The following SORCS1 variants were observed in gnomAD, a reference collection of about 807,000 sequenced individuals.
The protein encoded by SORCS1 is VPS10 domain-containing receptor SorCS1.
A neutral mutation model predicts 146.1 loss-of-function variants in SORCS1; 60 were observed. That is an observed-to-expected ratio of 0.41 (90% CI 0.33 to 0.51). The LOEUF (loss-of-function observed/expected upper bound fraction) is 0.51, where lower values mean the gene tolerates loss of function less well. Among genes scored for constraint, SORCS1 ranks in the 20% least tolerant of loss-of-function variants. The pLI, the probability that SORCS1 is intolerant of heterozygous loss-of-function variation, is 0.21. For synonymous variants in SORCS1, 637 were observed against 584.0 expected, an observed-to-expected ratio of 1.09 and a Z score of -1.31; for missense variants, 1,352 against 1,487.6, an observed-to-expected ratio of 0.91 and a Z score of 1.50.
chr10:106,850,510 G>A lies in SORCS1; in HGVS notation c.627-20837C>T, dbSNP rs567628325. On this transcript the variant is annotated intron_variant, in intron 2 of 25. Coordinates refer to ENST00000263054, the MANE Select transcript of SORCS1 (RefSeq NM_052918.5). ...TGGCACTCCCTAGTGAGATGAACCC[G>A]GTACCTCAGATGGAAATGCAGAAAT... 2.0e-3 allele frequency among the ~76,000 whole-genome samples: 305 copies of A among 152,164 alleles called. 2 individuals are homozygous for A. The highest frequency in any genetic ancestry group is 0.02 in the East Asian group (103 of 5,150).
intron 2 of SORCS1, 125 bp downstream of exon 2, chr10:106,956,384 GAAGA>G: frequency 1.3e-6 from 1 of 764,204 alleles, no homozygotes; most frequent in Non-Finnish European, 2.2e-6. Flanking sequence ...AGGAAACAGA[GAAGA>G]AAGAGAGAAA....
chr10:107,107,076 A>G (rs1965359927), intron 1 of SORCS1, among the ~76,000 whole-genome samples: 1 of 152,230 alleles, frequency 6.6e-6, no homozygotes, highest in Non-Finnish European at 1.5e-5. Flanking sequence ...GGAAACTGTT[A>G]CCCAGAACTA....
intron 5 of SORCS1, among the ~76,000 whole-genome samples, chr10:106,748,703 G>A (rs1462675398): frequency 6.6e-6 from 1 of 152,054 alleles, no homozygotes; most frequent in Non-Finnish European, 1.5e-5. Flanking sequence ...AACTGTTCTA[G>A]GCACTTTGCT....
intron 1 of SORCS1, among the ~76,000 whole-genome samples, chr10:106,962,077 C>A (rs564555062): frequency 6.6e-6 from 1 of 152,284 alleles, no homozygotes; most frequent in African/African-American, 2.4e-5. Flanking sequence ...AGCCTGCCTA[C>A]TGCTCATCCA....
chr10:106,808,652 G>A (rs567684602), intron 3 of SORCS1, among the ~76,000 whole-genome samples: 12 of 152,116 alleles, frequency 7.9e-5, no homozygotes, highest in South Asian at 4.2e-4. Context: ...ACAGGTGCCC[G>A]CCACCTCGCC....
intron 6 of SORCS1, 31 bp from the exon 7 acceptor site, chr10:106,709,372 G>C: frequency 7.3e-7 from 1 of 1,367,430 alleles, no homozygotes; most frequent in Non-Finnish European, 1.0e-6. Flanking sequence ...CAAAAACATG[G>C]GGTTGAGGGG....
chr10:106,687,406 C>T (rs1227073963), intron 10 of SORCS1, among the ~76,000 whole-genome samples: 2 of 152,162 alleles, frequency 1.3e-5, no homozygotes, highest in Non-Finnish European at 2.9e-5. Context: ...TAGGGGTCAG[C>T]AAACCTTTGT....
intron 2 of SORCS1, among the ~76,000 whole-genome samples, chr10:106,870,177 T>C (rs184204017): frequency 6.6e-6 from 1 of 152,018 alleles, no homozygotes; most frequent in African/African-American, 2.4e-5. Flanking sequence ...AAAATACTAC[T>C]CAAAGAAATC....
chr10:106,682,119 C>T (rs1054647463), intron 10 of SORCS1, among the ~76,000 whole-genome samples: 8 of 152,144 alleles, frequency 5.3e-5, no homozygotes, highest in Non-Finnish European at 8.8e-5. Context: ...CAGAGTGAGA[C>T]TCCATCTCTA....
chr10:107,005,390 CTA>C (rs1403804714), intron 1 of SORCS1, among the ~76,000 whole-genome samples: 1 of 152,002 alleles, frequency 6.6e-6, no homozygotes, highest in Non-Finnish European at 1.5e-5. Context: ...ACTTTAAAAA[CTA>C]GAGATTGTTC....
At chr10:106,892,958 G>C (rs1302666185) in intron 2 of SORCS1, among the ~76,000 whole-genome samples, 3 of 148,494 alleles carry the variant, frequency 2.0e-5, no homozygotes, top group Non-Finnish European at 4.4e-5. Flanking sequence ...GCAATGGCAT[G>C]ATCTCAAGTC....
At chr10:107,009,375 T>C in intron 1 of SORCS1, among the ~76,000 whole-genome samples, 1 of 152,240 alleles carries the variant, frequency 6.6e-6, no homozygotes, top group Non-Finnish European at 1.5e-5. Context: ...TTTAGAATTA[T>C]TTGGGCAGAG....
chr10:106,720,560 C>CT (rs11384430), intron 6 of SORCS1, among the ~76,000 whole-genome samples: 61,947 of 148,764 alleles, frequency 0.42, 12,840 homozygotes, highest in South Asian at 0.46. Context: ...GCCGATGCTA[C>CT]TTTTTTTTTA....
At chr10:106,923,345 C>A (rs547101862) in intron 2 of SORCS1, among the ~76,000 whole-genome samples, 29 of 152,172 alleles carry the variant, frequency 1.9e-4, no homozygotes, top group African/African-American at 7.0e-4. Flanking sequence ...TAGCTCATTT[C>A]TTTTTAGCTG....
chr10:106,759,379 C>T (rs527577642), intron 5 of SORCS1, among the ~76,000 whole-genome samples: 1 of 152,262 alleles, frequency 6.6e-6, no homozygotes, highest in South Asian at 2.1e-4. Context: ...GAGCCAATTC[C>T]TTGTAACACG....
rs184346672 is a variant in SORCS1 at position 106,852,271 on chromosome 10, G to A, written c.627-22598C>T. Among the ~76,000 whole-genome samples, 4 of 152,198 alleles carry A rather than the reference G, an allele frequency of 2.6e-5. 1 individual carries two copies. Among genetic ancestry groups the A allele is most frequent in the Middle Eastern group, 6.8e-3 (2 of 294 alleles). On this transcript the variant is annotated intron_variant, in intron 2 of 25. Coordinates refer to ENST00000263054, the MANE Select transcript of SORCS1 (RefSeq NM_052918.5). ...TTCTGATCTTAGTGGGAAAACTTTC[G>A]AGTTTCTCACCACTAAGTAAGATGC...
At chr10:106,950,608 T>C (rs1954629933) in intron 2 of SORCS1, among the ~76,000 whole-genome samples, 1 of 152,206 alleles carries the variant, frequency 6.6e-6, no homozygotes, top group South Asian at 2.1e-4. Flanking sequence ...TGTCTGTGTG[T>C]GTATATATAT....
At chr10:106,737,409 T>C (rs1320850886) in intron 5 of SORCS1, among the ~76,000 whole-genome samples, 1 of 148,358 alleles carries the variant, frequency 6.7e-6, no homozygotes, top group Non-Finnish European at 1.5e-5. Context: ...GCCCCCTCTT[T>C]GTCTTTGTTG....
At chr10:106,666,117 G>A (rs760167051) in intron 17 of SORCS1, among the ~76,000 whole-genome samples, 1 of 152,212 alleles carries the variant, frequency 6.6e-6, no homozygotes, top group Non-Finnish European at 1.5e-5. Flanking sequence ...TGAGATTACA[G>A]GCGTGAGCCA....
Sources: gnomAD v4.1 joint callset for allele counts (sites outside exome capture counted in the v4.1 genomes callset) on GRCh38, gnomAD v4.1.1 for gene constraint, MANE v1.5 for transcripts, NCBI Gene and HGNC (gene_info 2026-07-23, HGNC 2026-07-21) for gene names.